The following UVRAG variants were observed in gnomAD, a reference collection of about 807,000 sequenced individuals.
The protein encoded by UVRAG is UV radiation resistance associated.
In UVRAG, 19 loss-of-function variants were observed where a neutral mutation model predicts 78.0. That is an observed-to-expected ratio of 0.24 (90% CI 0.17 to 0.36). The LOEUF (loss-of-function observed/expected upper bound fraction) is 0.36, where lower values mean the gene tolerates loss of function less well. Ranked by LOEUF, UVRAG falls within the 10% of genes least tolerant of loss-of-function variation. The probability of loss-of-function intolerance (pLI) is 1.00; values close to 1 mark genes in which losing one functional copy is unlikely to be tolerated. For missense variants in UVRAG, 740 were observed against 853.8 expected (o/e 0.87, Z 1.66); for synonymous variants, 323 against 324.6 (o/e 1.00, Z 0.05).
chr11:75,918,416 C>T (rs774796358), intron 6 of UVRAG, among the ~76,000 whole-genome samples: 1 of 151,514 alleles, frequency 6.6e-6, no homozygotes, highest in Non-Finnish European at 1.5e-5. Context: ...TTTTCTTACT[C>T]GCTGGGCTTA....
At chr11:75,986,466 C>T (rs1949503061) in intron 8 of UVRAG, among the ~76,000 whole-genome samples, 1 of 152,124 alleles carries the variant, frequency 6.6e-6, no homozygotes, top group Non-Finnish European at 1.5e-5. Context: ...GTTACAGTTA[C>T]AGCCCTGCAG....
intron 6 of UVRAG, among the ~76,000 whole-genome samples, chr11:75,951,264 A>G (rs1452003559): frequency 6.6e-6 from 1 of 151,676 alleles, no homozygotes. Flanking sequence ...TTGTTGACAA[A>G]GTTTTTCTTT....
chr11:76,081,721 T>C (rs1035532250), intron 13 of UVRAG, among the ~76,000 whole-genome samples: 10 of 152,132 alleles, frequency 6.6e-5, no homozygotes, highest in Non-Finnish European at 1.5e-5. Flanking sequence ...AAAAAAATAA[T>C]TTGACATTAT....
chr11:76,103,553 T>C (rs986008892), intron 13 of UVRAG, among the ~76,000 whole-genome samples: 2 of 151,192 alleles, frequency 1.3e-5, no homozygotes, highest in Non-Finnish European at 2.9e-5. Context: ...TTTTTTTTTT[T>C]TTGAAGCTAC....
At chr11:75,832,268 G>A (rs1945675025) in intron 1 of UVRAG, among the ~76,000 whole-genome samples, 5 of 152,110 alleles carry the variant, frequency 3.3e-5, no homozygotes. Context: ...TACAAGTTAA[G>A]GGCCCAGTCC....
At chr11:76,082,142 C>T (rs1398578940) in intron 13 of UVRAG, among the ~76,000 whole-genome samples, 2 of 152,060 alleles carry the variant, frequency 1.3e-5, no homozygotes, top group East Asian at 1.9e-4. Flanking sequence ...ATTTCTTGAC[C>T]GAGTGGTGGT....
intron 13 of UVRAG, among the ~76,000 whole-genome samples, chr11:76,097,619 A>G (rs918749349): frequency 6.6e-6 from 1 of 151,880 alleles, no homozygotes; most frequent in Non-Finnish European, 1.5e-5. Flanking sequence ...ATGTCTTTCT[A>G]TTATATTATG....
At chr11:76,096,957 CCCTTGCAAACTT>C (rs1951794831) in intron 13 of UVRAG, among the ~76,000 whole-genome samples, 1 of 152,040 alleles carries the variant, frequency 6.6e-6, no homozygotes, top group Non-Finnish European at 1.5e-5. Context: ...GCTTGTTAGC[CCCTTGCAAACTT>C]CCTGGTAGCC....
intron 7 of UVRAG, among the ~76,000 whole-genome samples, chr11:75,975,514 C>T (rs1349454705): frequency 6.6e-6 from 1 of 152,038 alleles, no homozygotes; most frequent in African/African-American, 2.4e-5. Context: ...AATGTTCTTC[C>T]ATTTGTTTGT....
At chr11:76,107,956 C>T (rs138547847) in intron 13 of UVRAG, among the ~76,000 whole-genome samples, 15 of 151,780 alleles carry the variant, frequency 9.9e-5, no homozygotes, top group African/African-American at 2.7e-4. Flanking sequence ...TTTTTCATTT[C>T]GTATTTTCGG....
Position 76,117,445 on chromosome 11 carries a change from C to T in UVRAG, c.1397+1430C>T, listed in dbSNP as rs137922972. Among the ~76,000 whole-genome samples the T allele has an allele frequency of 1.9e-3, 284 of 152,274 alleles. 1 individual carries two copies. The highest frequency in any genetic ancestry group is 1.4e-3 in the Non-Finnish European group (96 of 68,010). On this transcript the variant is annotated intron_variant, in intron 14 of 14. Coordinates refer to ENST00000356136, the MANE Select transcript of UVRAG (RefSeq NM_003369.4). Reference sequence around the variant, plus strand: ...CCATTTCCAGGATCCCTATTCTGTTCTGTTGCTTTATTTGGCTAGCCATCG... The same window carrying T: ...CCATTTCCAGGATCCCTATTCTGTTTTGTTGCTTTATTTGGCTAGCCATCG...
At chr11:75,952,091 T>C (rs1948712777) in intron 6 of UVRAG, among the ~76,000 whole-genome samples, 1 of 152,210 alleles carries the variant, frequency 6.6e-6, no homozygotes. Context: ...TATTTATTGA[T>C]ATTAAATAGA....
At chr11:75,874,911 C>T (rs1456460445) in intron 3 of UVRAG, among the ~76,000 whole-genome samples, 1 of 152,128 alleles carries the variant, frequency 6.6e-6, no homozygotes, top group Admixed American at 6.5e-5. Context: ...GCTGAAGCTA[C>T]GTGATTCTTT....
intron 6 of UVRAG, among the ~76,000 whole-genome samples, chr11:75,957,900 C>G (rs1436828353): frequency 6.6e-6 from 1 of 152,134 alleles, no homozygotes. Context: ...GCAAATATTG[C>G]AATAAAGCAG....
chr11:76,054,886 A>G (rs1591182260), intron 12 of UVRAG, among the ~76,000 whole-genome samples: 2 of 152,254 alleles, frequency 1.3e-5, no homozygotes, highest in Non-Finnish European at 2.9e-5. Context: ...GTGAATGAAG[A>G]ATAGTATTTG....
chr11:75,842,390 T>C (rs1945934209), intron 1 of UVRAG, among the ~76,000 whole-genome samples: 1 of 152,224 alleles, frequency 6.6e-6, no homozygotes, highest in East Asian at 1.9e-4. Flanking sequence ...TTTTCACATG[T>C]TCATTGACTA....
intron 12 of UVRAG, among the ~76,000 whole-genome samples, chr11:76,036,020 CTGTCTCAAG>C (rs1445048375): frequency 6.6e-6 from 1 of 152,122 alleles, no homozygotes; most frequent in Non-Finnish European, 1.5e-5. Flanking sequence ...GGTTTGGGAC[CTGTCTCAAG>C]TGTCAATTTG....
At chr11:75,853,445 C>T (rs931251801) in intron 2 of UVRAG, among the ~76,000 whole-genome samples, 4 of 151,736 alleles carry the variant, frequency 2.6e-5, no homozygotes, top group East Asian at 1.9e-4. Flanking sequence ...CTGCAACCTC[C>T]GCCTCCCTGG....
intron 8 of UVRAG, among the ~76,000 whole-genome samples, chr11:75,994,552 T>C (rs1286214024): frequency 1.3e-5 from 2 of 152,252 alleles, no homozygotes; most frequent in Non-Finnish European, 2.9e-5. Context: ...ATAACTTTTA[T>C]TGAAATCCTG....
Sources: allele counts gnomAD v4.1 joint callset (sites outside exome capture counted in the v4.1 genomes callset), GRCh38; gene constraint gnomAD v4.1.1; transcripts MANE v1.5; gene names NCBI Gene and HGNC (gene_info 2026-07-23, HGNC 2026-07-21).